TTC29: variants seen among roughly 807,000 people sequenced by gnomAD.
TTC29 encodes tetratricopeptide repeat protein 29.
TTC29 carries 49 observed loss-of-function variants against 58.1 expected under a neutral mutation model. That is an observed-to-expected ratio of 0.84 (90% confidence interval 0.67 to 1.07). The LOEUF is 1.07. Ranked by LOEUF, TTC29 falls within the 50% of genes least tolerant of loss-of-function variation. TTC29 has a pLI of 0.00. For synonymous variants in TTC29, 209 were observed against 196.8 expected (o/e 1.06, Z -0.52); for missense variants, 582 against 555.6 (o/e 1.05, Z -0.48).
intron 5 of TTC29, among the ~76,000 whole-genome samples, chr4:146,907,552 G>T (rs562533240): frequency 1.3e-5 from 2 of 152,296 alleles, no homozygotes; most frequent in South Asian, 4.1e-4. Context: ...AAGCTGGAGC[G>T]CAATGGAGCA....
chr4:146,735,676 A>C (rs952516016), intron 11 of TTC29, among the ~76,000 whole-genome samples: 7 of 152,174 alleles, frequency 4.6e-5, no homozygotes, highest in African/African-American at 1.7e-4. Context: ...CTTTATCATG[A>C]CAGGGATATT....
intron 11 of TTC29, among the ~76,000 whole-genome samples, chr4:146,710,905 C>G (rs1245004023): frequency 6.6e-6 from 1 of 152,004 alleles, no homozygotes; most frequent in Non-Finnish European, 1.5e-5. Flanking sequence ...TATAAATCCA[C>G]CATCGCATCC....
intron 11 of TTC29, among the ~76,000 whole-genome samples, chr4:146,753,922 G>A (rs2150051916): frequency 6.6e-6 from 1 of 151,672 alleles, no homozygotes; most frequent in South Asian, 2.1e-4. Flanking sequence ...GGGAAGGGGG[G>A]AGGGATAGCA....
chr4:146,909,160 T>C lies in TTC29; in HGVS notation c.266A>G (p.Glu89Gly), dbSNP rs754262595. The C allele has an allele frequency of 2.5e-6, 4 of 1,613,750 alleles. No homozygotes were observed. Among genetic ancestry groups the C allele is most frequent in the Non-Finnish European group, 3.4e-6 (4 of 1,179,826 alleles). ...AGCCTCCCTCAGGGCATCCCACCGC[T>C]CCATCAGAGCGAAGAGCTCGGTGAA... ...KSFTELFALM[E>G]RWDALREAAR... Residue 89 changes from glutamate (E) to glycine (G), a missense_variant, in exon 5 of 13, where the codon GAG becomes GGG. Transcript: ENST00000325106.
chr4:146,845,491 C>A (rs1428229893), intron 8 of TTC29, among the ~76,000 whole-genome samples: 1 of 151,996 alleles, frequency 6.6e-6, no homozygotes, highest in Non-Finnish European at 1.5e-5. Context: ...TTCATTATAC[C>A]TATGATAACA....
At position 146,797,832 on chromosome 4, in the gene TTC29, T is replaced by TTATATATATATATATA. The variant is rs70958528; in HGVS notation, c.1330+5609_1330+5624dup. Among the ~76,000 whole-genome samples the TTATATATATATATATA allele has an allele frequency of 2.8e-3, 358 of 129,938 alleles. 1 individual carries two copies. Among genetic ancestry groups the TTATATATATATATATA allele is most frequent in the African/African-American group, 7.6e-3 (263 of 34,506 alleles). The allele number at this position is 129,938 out of a possible 152,430, so 85.2% of individuals were successfully genotyped here. ...ACAACTGGCCACTGATTACTTTGTTTTATATATATATATATATATATATAT... is the reference window on the plus strand; with the variant it reads ...ACAACTGGCCACTGATTACTTTGTTTTATATATATATATATATATATATATATATATATATATATAT... On this transcript the variant is annotated intron_variant, in intron 11 of 12. Coordinates refer to ENST00000325106, the MANE Select transcript of TTC29 (RefSeq NM_031956.4).
chr4:146,859,526 A>G (rs1290501736), intron 8 of TTC29, among the ~76,000 whole-genome samples: 1 of 152,122 alleles, frequency 6.6e-6, no homozygotes, highest in Admixed American at 6.5e-5. Context: ...CCCATTTGAC[A>G]TTCCTTTTTC....
intron 11 of TTC29, among the ~76,000 whole-genome samples, chr4:146,746,999 T>G (rs997526296): frequency 9.9e-5 from 15 of 152,022 alleles, no homozygotes; most frequent in African/African-American, 3.6e-4. Context: ...GAAGGAAACA[T>G]GTCACCTCTG....
At position 146,778,774 on chromosome 4, in the gene TTC29, A is replaced by G. The variant is rs115738679; in HGVS notation, c.1330+24683T>C. On this transcript the variant is annotated intron_variant, in intron 11 of 12. Transcript: ENST00000325106. ...TCTCACTTATAAGCAGGAGTGAAAC[A>G]ACAGGTATACATGGACATACAGAGG... Among the ~76,000 whole-genome samples the G allele has an allele frequency of 6.9e-3, 1,052 of 152,162 alleles. 6 individuals are homozygous for G. Among genetic ancestry groups the G allele is most frequent in the African/African-American group, 0.024 (1,005 of 41,516 alleles).
intron 4 of TTC29, among the ~76,000 whole-genome samples, chr4:146,921,810 G>A (rs546862874): frequency 2.7e-5 from 4 of 150,876 alleles, no homozygotes; most frequent in Non-Finnish European, 4.5e-5. Flanking sequence ...GATTCTGAGA[G>A]ATTTTTATAT....
chr4:146,711,308 T>C (rs996261669), intron 11 of TTC29, among the ~76,000 whole-genome samples: 2 of 152,300 alleles, frequency 1.3e-5, no homozygotes, highest in Non-Finnish European at 2.9e-5. Flanking sequence ...TGTATCAGTG[T>C]GGTCTGCAGA....
chr4:146,779,648 G>A (rs1400714477), intron 11 of TTC29, among the ~76,000 whole-genome samples: 1 of 152,162 alleles, frequency 6.6e-6, no homozygotes, highest in African/African-American at 2.4e-5. Flanking sequence ...TTTTAGAGCA[G>A]GTTAGAATTA....
rs552526506 is a variant in TTC29 at position 146,758,785 on chromosome 4, G to A, written c.1330+44672C>T. ...GAAGATGGAAATTAAAAAATTCTTCGAACTTAATGACAATAATGACACAAC... is the reference window on the plus strand; with the variant it reads ...GAAGATGGAAATTAAAAAATTCTTCAAACTTAATGACAATAATGACACAAC... On this transcript the variant is annotated intron_variant, in intron 11 of 12. Transcript: ENST00000325106. Among the ~76,000 whole-genome samples the A allele has an allele frequency of 1.2e-4, 19 of 152,118 alleles. No individual in the cohort carries two copies. The East Asian group carries it at 2.1e-3, about 17-fold the overall frequency.
intron 4 of TTC29, among the ~76,000 whole-genome samples, chr4:146,936,705 T>C (rs2150329494): frequency 6.6e-6 from 1 of 152,196 alleles, no homozygotes; most frequent in African/African-American, 2.4e-5. Flanking sequence ...TAATATCTGA[T>C]AAAATGGAAA....
chr4:146,860,163 G>A (rs1405801905), intron 8 of TTC29, among the ~76,000 whole-genome samples: 3 of 152,080 alleles, frequency 2.0e-5, no homozygotes, highest in African/African-American at 4.8e-5. Flanking sequence ...TTTTAAAAGA[G>A]AGGTAAACTA....
At chr4:146,879,909 G>A (rs1731512253) in intron 6 of TTC29, among the ~76,000 whole-genome samples, 1 of 152,148 alleles carries the variant, frequency 6.6e-6, no homozygotes, top group Admixed American at 6.6e-5. Context: ...GGGAAAGTGA[G>A]TTTTATCATG....
chr4:146,753,490 G>A (rs1266014466), intron 11 of TTC29, among the ~76,000 whole-genome samples: 3 of 152,188 alleles, frequency 2.0e-5, no homozygotes, highest in African/African-American at 4.8e-5. Flanking sequence ...GGAATTCGGT[G>A]TGGCGATTCC....
chr4:146,870,738 T>A (rs1163514355), intron 7 of TTC29, among the ~76,000 whole-genome samples: 20 of 151,842 alleles, frequency 1.3e-4, no homozygotes, highest in Admixed American at 1.2e-3. Context: ...TTAGATAAAG[T>A]AGATGAAATA....
chr4:146,766,779 A>T (rs577263891), intron 11 of TTC29, among the ~76,000 whole-genome samples: 13 of 152,196 alleles, frequency 8.5e-5, no homozygotes, highest in African/African-American at 3.1e-4. Flanking sequence ...CTTACAACCC[A>T]AAAAGAAAAT....
Sources: gnomAD v4.1 joint callset for allele counts (sites outside exome capture counted in the v4.1 genomes callset) on GRCh38, gnomAD v4.1.1 for gene constraint, MANE v1.5 for transcripts, NCBI Gene and HGNC (gene_info 2026-07-23, HGNC 2026-07-21) for gene names.